The following MGAT4C variants were observed in gnomAD, a reference collection of about 807,000 sequenced individuals.
MGAT4C encodes MGAT4 family member C.
Under a neutral mutation model 40.1 loss-of-function variants are expected in MGAT4C, and 19 were observed. The ratio of observed to expected loss-of-function variants is 0.47; its 90% CI spans 0.33 to 0.70. The LOEUF is 0.70. Among genes scored for constraint, MGAT4C ranks in the 30% least tolerant of loss-of-function variants. The pLI, the probability that MGAT4C is intolerant of heterozygous loss-of-function variation, is 0.02. For synonymous variants in MGAT4C, 181 were observed against 187.1 expected, an observed-to-expected ratio of 0.97 and a Z score of 0.27; for missense variants, 491 against 563.2, an observed-to-expected ratio of 0.87 and a Z score of 1.30.
chr12:86,530,813 C>T (rs568821229), intron 2 of MGAT4C, among the ~76,000 whole-genome samples: 1 of 151,962 alleles, frequency 6.6e-6, no homozygotes, highest in Non-Finnish European at 1.5e-5. Flanking sequence ...AGCTTCTTTT[C>T]CAATCCATTT....
intron 1 of MGAT4C, among the ~76,000 whole-genome samples, chr12:86,765,906 C>A (rs1223105935): frequency 1.3e-5 from 2 of 152,232 alleles, no homozygotes; most frequent in African/African-American, 4.8e-5. Flanking sequence ...CCAGCTGCTG[C>A]AAAATCATGC....
At chr12:86,796,256 C>G (rs910465293) in intron 1 of MGAT4C, among the ~76,000 whole-genome samples, 3 of 151,678 alleles carry the variant, frequency 2.0e-5, no homozygotes, top group African/African-American at 7.3e-5. Context: ...ATGTTCTTTA[C>G]TCCTTCCTTT....
At chr12:86,416,638 T>C (rs964154937) in intron 3 of MGAT4C, among the ~76,000 whole-genome samples, 1 of 152,106 alleles carries the variant, frequency 6.6e-6, no homozygotes, top group Non-Finnish European at 1.5e-5. Flanking sequence ...AGGAGTATCA[T>C]GTAAATGGCA....
At chr12:86,619,679 C>T (rs370883283) in intron 2 of MGAT4C, among the ~76,000 whole-genome samples, 327 of 151,978 alleles carry the variant, frequency 2.2e-3, no homozygotes, top group African/African-American at 7.6e-3. Flanking sequence ...TTTTTTTATA[C>T]AGCTTAGTTT....
intron 2 of MGAT4C, among the ~76,000 whole-genome samples, chr12:86,571,120 T>G (rs1454970443): frequency 6.6e-6 from 1 of 152,124 alleles, no homozygotes; most frequent in East Asian, 1.9e-4. Flanking sequence ...CTGCCCTCTT[T>G]TAACTTTAAT....
intron 2 of MGAT4C, among the ~76,000 whole-genome samples, chr12:86,643,960 T>C (rs2136525292): frequency 6.6e-6 from 1 of 151,868 alleles, no homozygotes; most frequent in African/African-American, 2.4e-5. Context: ...AATAATAAAA[T>C]TTAATACATT....
chr12:86,138,889 A>G lies in MGAT4C; in HGVS notation c.-56-89166T>C, dbSNP rs558362609. ...AGCAGCCACAGACAGCCTGCCTTGT[A>G]TCAAGAGGGGTGGAGAGGAACAGTT... On this transcript the variant is annotated intron_variant, in intron 1 of 4. Coordinates refer to ENST00000611864, the MANE Select transcript of MGAT4C (RefSeq NM_001351288.2). 1.1e-4 allele frequency among the ~76,000 whole-genome samples: 16 copies of G among 152,098 alleles called. No individual in the cohort carries two copies. The East Asian group carries it at 3.1e-3, about 29-fold the overall frequency.
chr12:86,552,720 G>A (rs1402478582), intron 2 of MGAT4C, among the ~76,000 whole-genome samples: 1 of 151,946 alleles, frequency 6.6e-6, no homozygotes, highest in Non-Finnish European at 1.5e-5. Context: ...TAGAGAATGT[G>A]AAAAAATAAA....
chr12:86,047,188 G>A (rs908889007), intron 2 of MGAT4C, among the ~76,000 whole-genome samples: 1 of 151,958 alleles, frequency 6.6e-6, no homozygotes, highest in Non-Finnish European at 1.5e-5. Context: ...TTTATTCTAG[G>A]CATAGCAGTT....
chr12:86,303,207 T>C (rs553693128), intron 4 of MGAT4C, among the ~76,000 whole-genome samples: 4 of 150,654 alleles, frequency 2.7e-5, no homozygotes, highest in Non-Finnish European at 4.4e-5. Flanking sequence ...TAAACTGATA[T>C]ACCTATTCTT....
intron 2 of MGAT4C, among the ~76,000 whole-genome samples, chr12:86,690,414 T>C (rs1950153171): frequency 6.6e-6 from 1 of 152,150 alleles, no homozygotes. Flanking sequence ...CCGCCAGTTT[T>C]GTGCTTGAAA....
intron 1 of MGAT4C, among the ~76,000 whole-genome samples, chr12:86,737,801 A>G (rs759193984): frequency 6.6e-6 from 1 of 151,396 alleles, no homozygotes; most frequent in South Asian, 2.1e-4. Flanking sequence ...TTTCTCTCAC[A>G]TACACAACTT....
intron 2 of MGAT4C, among the ~76,000 whole-genome samples, chr12:86,005,969 C>G (rs569114410): frequency 6.6e-6 from 1 of 152,216 alleles, no homozygotes; most frequent in Non-Finnish European, 1.5e-5. Context: ...ATTATTCTAG[C>G]TTTTTTCCAG....
At chr12:86,174,124 TACAC>T (rs71445051) in intron 1 of MGAT4C, among the ~76,000 whole-genome samples, 7,195 of 143,826 alleles carry the variant, frequency 0.05, 345 homozygotes, top group African/African-American at 0.13. Context: ...CACACACACA[TACAC>T]ACACACACAC....
chr12:86,472,754 T>C (rs561054814), intron 2 of MGAT4C, among the ~76,000 whole-genome samples: 1 of 152,170 alleles, frequency 6.6e-6, no homozygotes, highest in Non-Finnish European at 1.5e-5. Flanking sequence ...TGAGTCTTAG[T>C]AGTCTTATAA....
chr12:86,321,015 C>A (rs1592693840), intron 4 of MGAT4C, among the ~76,000 whole-genome samples: 1 of 152,098 alleles, frequency 6.6e-6, no homozygotes, highest in East Asian at 1.9e-4. Flanking sequence ...TAAAAAACTT[C>A]TAATTTCATA....
intron 2 of MGAT4C, among the ~76,000 whole-genome samples, chr12:86,043,684 G>C (rs199516928): frequency 2.0e-5 from 3 of 152,268 alleles, no homozygotes; most frequent in African/African-American, 7.2e-5. Flanking sequence ...GTTGACACTC[G>C]ATATTAACCA....
chr12:86,570,215 AAG>A (rs1960305137), intron 2 of MGAT4C, among the ~76,000 whole-genome samples: 1 of 152,198 alleles, frequency 6.6e-6, no homozygotes, highest in African/African-American at 2.4e-5. Flanking sequence ...CAAAAAAGAC[AAG>A]TAGTGAAGTA....
intron 1 of MGAT4C, among the ~76,000 whole-genome samples, chr12:86,142,669 A>C (rs2095362363): frequency 6.6e-6 from 1 of 151,698 alleles, no homozygotes; most frequent in Non-Finnish European, 1.5e-5. Flanking sequence ...GGTTACAATA[A>C]CTACATAGGT....
Sources: allele counts gnomAD v4.1 joint callset (sites outside exome capture counted in the v4.1 genomes callset), GRCh38; gene constraint gnomAD v4.1.1; transcripts MANE v1.5; gene names NCBI Gene and HGNC (gene_info 2026-07-23, HGNC 2026-07-21).